Variants in GPR141 observed in about 807,000 individuals in gnomAD.
The protein encoded by GPR141 is G protein-coupled receptor 141.
GPR141 carries 6 observed loss-of-function variants against 6.8 expected under a neutral mutation model. That is an observed-to-expected ratio of 0.88 (90% CI 0.48 to 1.74). GPR141 has a LOEUF of 1.74. Among genes scored for constraint, GPR141 ranks in the 40% most tolerant of loss-of-function variants. The probability of loss-of-function intolerance (pLI) is 0.01; values close to 1 mark genes in which losing one functional copy is unlikely to be tolerated. For synonymous variants in GPR141, 140 were observed against 142.3 expected, an observed-to-expected ratio of 0.98 and a Z score of 0.11; for missense variants, 372 against 372.9, an observed-to-expected ratio of 1.00 and a Z score of 0.02.
intron 2 of GPR141, among the ~76,000 whole-genome samples, chr7:37,712,694 T>C (rs532118659): frequency 6.6e-6 from 1 of 152,318 alleles, no homozygotes; most frequent in East Asian, 1.9e-4. Flanking sequence ...ATACATAAGA[T>C]GCCTCTGAAG....
intron 2 of GPR141, chr7:37,709,620 C>T (rs1016456688): frequency 6.6e-6 from 1 of 152,176 alleles, no homozygotes; most frequent in African/African-American, 2.4e-5. Flanking sequence ...AAGATTGTCA[C>T]AATATTTTAA....
At chr7:37,685,657 C>T (rs890832654) in intron 2 of GPR141, 74 bp downstream of exon 2, 1 of 151,472 alleles carries the variant, frequency 6.6e-6, no homozygotes, top group Non-Finnish European at 1.5e-5. Context: ...TCATGTTGCC[C>T]AGGTTAGTCT....
intron 2 of GPR141, among the ~76,000 whole-genome samples, chr7:37,733,131 G>A (rs1583574968): frequency 6.6e-6 from 1 of 152,178 alleles, no homozygotes; most frequent in South Asian, 2.1e-4. Context: ...TACATGAATA[G>A]GTCTGGGCGG....
intron 2 of GPR141, among the ~76,000 whole-genome samples, chr7:37,697,114 A>C (rs1810056551): frequency 6.6e-6 from 1 of 152,212 alleles, no homozygotes; most frequent in Admixed American, 6.5e-5. Flanking sequence ...GACTTTCTGA[A>C]AATCTATACT....
chr7:37,729,735 G>A (rs1184713589), intron 2 of GPR141, among the ~76,000 whole-genome samples: 1 of 152,216 alleles, frequency 6.6e-6, no homozygotes, highest in African/African-American at 2.4e-5. Context: ...GCAAGACTGT[G>A]TGAGTGGGGG....
chr7:37,717,811 C>T (rs1219256108), intron 2 of GPR141, among the ~76,000 whole-genome samples: 2 of 152,180 alleles, frequency 1.3e-5, no homozygotes, highest in Non-Finnish European at 2.9e-5. Flanking sequence ...TACTGTGTGT[C>T]CCTCCTTCGT....
intron 2 of GPR141, among the ~76,000 whole-genome samples, chr7:37,720,945 A>T (rs113378029): frequency 2.0e-5 from 3 of 152,306 alleles, no homozygotes; most frequent in African/African-American, 7.2e-5. Context: ...TAGTATTCTA[A>T]TTAACTGCTT....
Position 37,740,934 on chromosome 7 carries a change from A to G in GPR141, c.541A>G (p.Ile181Val). 1 of 1,614,144 alleles carries G rather than the reference A, an allele frequency of 6.2e-7. No homozygotes were observed. The highest frequency in any genetic ancestry group is 8.5e-7 in the Non-Finnish European group (1 of 1,179,990). ...KELAYTYVKI[I>V]NYMIVIFVIA... is the part of the protein sequence containing the mutation. ...GCTTGCTTACACATATGTGAAAATCATCAACTATATGATAGTCATTTTTGT... is the reference window on the plus strand; with the variant it reads ...GCTTGCTTACACATATGTGAAAATCGTCAACTATATGATAGTCATTTTTGT... The change falls in exon 3 of 3, where the codon ATC becomes GTC. Residue 181 changes from isoleucine to valine, a missense_variant. Ile to Val is a conservative substitution (Grantham distance 29). Coordinates refer to ENST00000334425, the MANE Select transcript of GPR141 (RefSeq NM_001381946.1).
intron 2 of GPR141, among the ~76,000 whole-genome samples, chr7:37,700,756 A>G (rs1364503752): frequency 6.6e-6 from 1 of 152,218 alleles, no homozygotes; most frequent in East Asian, 1.9e-4. Context: ...CAGCTCCTAC[A>G]TATTTCTATG....
At chr7:37,713,842 A>G (rs1024612801) in intron 2 of GPR141, among the ~76,000 whole-genome samples, 2 of 152,178 alleles carry the variant, frequency 1.3e-5, no homozygotes, top group African/African-American at 4.8e-5. Flanking sequence ...TAAATCCTTT[A>G]TATCTGTTTG....
chr7:37,718,215 C>T (rs1019730001), intron 2 of GPR141, among the ~76,000 whole-genome samples: 1 of 152,020 alleles, frequency 6.6e-6, no homozygotes, highest in African/African-American at 2.4e-5. Context: ...AATAGATTCA[C>T]AGATAGACAT....
intron 2 of GPR141, among the ~76,000 whole-genome samples, chr7:37,722,560 A>G (rs369508729): frequency 6.6e-5 from 10 of 152,192 alleles, no homozygotes; most frequent in South Asian, 6.2e-4. Flanking sequence ...CGTCTCTACT[A>G]AAAATACAAA....
intron 1 of GPR141, 44 bp downstream of exon 1, chr7:37,683,947 G>T (rs143793058): frequency 6.7e-6 from 1 of 150,066 alleles, no homozygotes; most frequent in Non-Finnish European, 1.5e-5. Flanking sequence ...GAATGAAAGT[G>T]CTATAGAAAT....
chr7:37,736,722 G>C (rs1466560728), intron 2 of GPR141, among the ~76,000 whole-genome samples: 1 of 152,078 alleles, frequency 6.6e-6, no homozygotes, highest in African/African-American at 2.4e-5. Flanking sequence ...AAGATGAAAT[G>C]AAAACATTTT....
chr7:37,730,341 G>A (rs572036166), intron 2 of GPR141, among the ~76,000 whole-genome samples: 4 of 152,290 alleles, frequency 2.6e-5, no homozygotes, highest in South Asian at 4.1e-4. Flanking sequence ...ATAATAACAA[G>A]TGTATCTCAA....
intron 2 of GPR141, among the ~76,000 whole-genome samples, chr7:37,726,247 T>A (rs1254026591): frequency 6.6e-6 from 1 of 152,178 alleles, no homozygotes; most frequent in Non-Finnish European, 1.5e-5. Flanking sequence ...CTTGATTTGA[T>A]TCTGAGAAAG....
intron 2 of GPR141, among the ~76,000 whole-genome samples, chr7:37,705,065 G>A (rs1212802458): frequency 6.6e-6 from 1 of 152,096 alleles, no homozygotes; most frequent in Non-Finnish European, 1.5e-5. Flanking sequence ...ATAAATATAT[G>A]TATAGTTGAA....
At chr7:37,702,629 T>A (rs1810330123) in intron 2 of GPR141, among the ~76,000 whole-genome samples, 1 of 151,736 alleles carries the variant, frequency 6.6e-6, no homozygotes, top group Non-Finnish European at 1.5e-5. Context: ...GAGATATACC[T>A]AATGCTAGAT....
intron 2 of GPR141, among the ~76,000 whole-genome samples, chr7:37,687,082 C>T (rs1007452988): frequency 6.6e-6 from 1 of 152,068 alleles, no homozygotes; most frequent in Admixed American, 6.5e-5. Context: ...ACTCTGCTCC[C>T]TGATAAAGAA....
Sources: gnomAD v4.1 joint callset for allele counts (sites outside exome capture counted in the v4.1 genomes callset) on GRCh38, gnomAD v4.1.1 for gene constraint, MANE v1.5 for transcripts, NCBI Gene and HGNC (gene_info 2026-07-23, HGNC 2026-07-21) for gene names.